Variants in NUP93 observed in about 807,000 individuals in gnomAD.
The protein encoded by NUP93 is nuclear pore complex protein Nup93.
Under a neutral mutation model 107.8 loss-of-function variants are expected in NUP93, and 55 were observed. That is an observed-to-expected ratio of 0.51 (90% CI 0.41 to 0.64). NUP93 has a LOEUF of 0.64. Among genes scored for constraint, NUP93 ranks in the 30% least tolerant of loss-of-function variants. The probability of loss-of-function intolerance (pLI) is 0.00; values close to 1 mark genes in which losing one functional copy is unlikely to be tolerated. For missense variants in NUP93, 937 were observed against 1,044.7 expected, an observed-to-expected ratio of 0.90 and a Z score of 1.42; for synonymous variants, 390 against 397.5, an observed-to-expected ratio of 0.98 and a Z score of 0.22.
intron 5 of NUP93, among the ~76,000 whole-genome samples, chr16:56,808,773 T>A (rs1270507606): frequency 7.0e-5 from 10 of 143,718 alleles, no homozygotes; most frequent in Admixed American, 4.9e-4. Flanking sequence ...TACATATATA[T>A]AAATACATAT....
At chr16:56,810,460 C>T (rs1416743465) in intron 5 of NUP93, among the ~76,000 whole-genome samples, 2 of 152,096 alleles carry the variant, frequency 1.3e-5, no homozygotes, top group African/African-American at 4.8e-5. Context: ...AGGACCCCGT[C>T]TCTACAAAAA....
At chr16:56,801,554 A>G (rs1197554817) in intron 4 of NUP93, among the ~76,000 whole-genome samples, 1 of 152,158 alleles carries the variant, frequency 6.6e-6, no homozygotes, top group African/African-American at 2.4e-5. Flanking sequence ...CTTGGATTAC[A>G]GGCGTCTGCC....
chr16:56,734,460 C>T (rs1359420873), intron 1 of NUP93, among the ~76,000 whole-genome samples: 1 of 152,130 alleles, frequency 6.6e-6, no homozygotes, highest in Non-Finnish European at 1.5e-5. Context: ...TCATGTAGGC[C>T]TCACAGCACA....
chr16:56,753,036 T>C (rs1378929506), intron 2 of NUP93, among the ~76,000 whole-genome samples: 1 of 152,114 alleles, frequency 6.6e-6, no homozygotes, highest in African/African-American at 2.4e-5. Context: ...TGCATTGGAT[T>C]GAAACATATC....
intron 9 of NUP93, 36 bp downstream of exon 9, chr16:56,829,145 C>T (rs1963729064): frequency 6.3e-7 from 1 of 1,593,108 alleles, no homozygotes; most frequent in Non-Finnish European, 8.5e-7. Flanking sequence ...CAGTTACACC[C>T]CCAGAGCAGT....
intron 3 of NUP93, among the ~76,000 whole-genome samples, chr16:56,760,769 AC>A (rs769487362): frequency 1.3e-5 from 2 of 152,120 alleles, no homozygotes; most frequent in Non-Finnish European, 2.9e-5. Context: ...TATTCAAACT[AC>A]GTTACTCTGT....
rs79863654 is a variant in NUP93, at chr16:56,744,374, G to T, written c.-14-3860G>T. On this transcript the variant is annotated intron_variant, in intron 1 of 21. Transcript: ENST00000308159. Reference sequence around the variant, plus strand: ...ATATTTTGTGGTGAGGATAAAAATTGTCCTAAATTTATGAAATTAGCCATA... The same window carrying T: ...ATATTTTGTGGTGAGGATAAAAATTTTCCTAAATTTATGAAATTAGCCATA... 7.6e-3 allele frequency among the ~76,000 whole-genome samples: 1,159 copies of T among 152,264 alleles called. 16 individuals carry two copies. The highest frequency in any genetic ancestry group is 0.026 in the African/African-American group (1,096 of 41,536).
In NUP93 at chr16:56,815,902, C is replaced by CTGCTGCTGCTGCTGCTGCTGCTGCTGG. The variant is rs879095616; in HGVS notation, c.490-2748_490-2747insCTGCTGCTGCTGGTGCTGCTGCTGCTG. On this transcript the variant is annotated intron_variant, in intron 5 of 21. Transcript: ENST00000308159. ...GCTGCTGCTGCTGCTGCTGCTGGTG[C>CTGCTGCTGCTGCTGCTGCTGCTGCTGG]TGCTGCTGCTGCTGGTGCTGCTGCT... Among the ~76,000 whole-genome samples, 12 of 133,204 alleles carry CTGCTGCTGCTGCTGCTGCTGCTGCTGG rather than the reference C, an allele frequency of 9.0e-5. 1 individual carries two copies. The highest frequency in any genetic ancestry group is 6.8e-4 in the Admixed American group (9 of 13,202). 87.4% of individuals were successfully genotyped at this position (133,204 alleles called of 152,430 possible). A position where few individuals can be genotyped will look rare whatever the true frequency, so the allele number is the denominator to read the frequency against.
chr16:56,791,242 A>G (rs1368871850), intron 3 of NUP93, among the ~76,000 whole-genome samples: 2 of 152,342 alleles, frequency 1.3e-5, no homozygotes, highest in East Asian at 3.9e-4. Context: ...TCATGAAAAC[A>G]TGACTATTGC....
chr16:56,741,030 GGAGAGC>G, intron 1 of NUP93, among the ~76,000 whole-genome samples: 1 of 151,502 alleles, frequency 6.6e-6, no homozygotes, highest in Middle Eastern at 3.4e-3. Context: ...AGAGGGAGAG[GGAGAGC>G]GCTAAATTTC....
intron 3 of NUP93, 52 bp from the exon 4 acceptor site, chr16:56,798,424 T>C: frequency 6.6e-7 from 1 of 1,504,340 alleles, no homozygotes; most frequent in South Asian, 1.1e-5. Flanking sequence ...CAGTATACTT[T>C]TGATTTTTTG....
intron 3 of NUP93, among the ~76,000 whole-genome samples, chr16:56,758,905 GA>G (rs1302760848): frequency 3.3e-5 from 5 of 152,178 alleles, no homozygotes; most frequent in African/African-American, 1.2e-4. Context: ...TTATAATTAG[GA>G]GAACAGATTT....
chr16:56,841,320 G>A (rs1432335467), intron 20 of NUP93, among the ~76,000 whole-genome samples: 1 of 151,990 alleles, frequency 6.6e-6, no homozygotes, highest in Non-Finnish European at 1.5e-5. Context: ...GGAGTGGTAG[G>A]GACTGTGGAG....
chr16:56,839,190 A>ATTTC, intron 19 of NUP93, 121 bp downstream of exon 19: 1 of 664,318 alleles, frequency 1.5e-6, no homozygotes, highest in South Asian at 2.3e-5. Context: ...GTATAAAGAA[A>ATTTC]GACAAGTACA....
intron 2 of NUP93, among the ~76,000 whole-genome samples, chr16:56,754,016 A>G (rs149775443): frequency 6.6e-6 from 1 of 151,494 alleles, no homozygotes; most frequent in African/African-American, 2.4e-5. Context: ...ATTGATTCAC[A>G]TTTTCACAGG....
intron 1 of NUP93, among the ~76,000 whole-genome samples, chr16:56,746,535 A>G (rs1961823279): frequency 6.6e-6 from 1 of 152,250 alleles, no homozygotes; most frequent in Non-Finnish European, 1.5e-5. Context: ...CATAAAGAAT[A>G]CCAAAGTGTC....
At chr16:56,745,001 A>G (rs767754395) in intron 1 of NUP93, among the ~76,000 whole-genome samples, 1 of 152,196 alleles carries the variant, frequency 6.6e-6, no homozygotes, top group East Asian at 1.9e-4. Flanking sequence ...TGTGCCAGGC[A>G]CTGTTGTAGA....
chr16:56,805,572 A>T lies in NUP93; in HGVS notation c.429A>T (p.Arg143=), dbSNP rs776779519. 1.2e-6 allele frequency: 2 copies of T among 1,614,016 alleles called. No individual in the cohort carries two copies. The highest frequency in any genetic ancestry group is 8.5e-7 in the Non-Finnish European group (1 of 1,180,022). The part of the protein sequence containing the change: ...MLVEWEQVKQ[R]ILHTLLASGE... The stretch of plus-strand genomic sequence containing the variant: ...TTGAGTGGGAGCAAGTGAAACAGCG[A>T]ATTCTGCACACACTGCTGGCATCAG... The change falls in exon 5 of 22, where the codon CGA becomes CGT. Residue 143 remains arginine (R), a synonymous_variant. Transcript: ENST00000308159.
chr16:56,803,265 C>A (rs746931398), intron 4 of NUP93, among the ~76,000 whole-genome samples: 1 of 152,126 alleles, frequency 6.6e-6, no homozygotes, highest in Non-Finnish European at 1.5e-5. Context: ...TCGAGACCAG[C>A]CTAGCCAACA....
Sources: gnomAD v4.1 joint callset for allele counts (sites outside exome capture counted in the v4.1 genomes callset) on GRCh38, gnomAD v4.1.1 for gene constraint, MANE v1.5 for transcripts, NCBI Gene and HGNC (gene_info 2026-07-23, HGNC 2026-07-21) for gene names.